SHISAL1: variants seen among roughly 807,000 people sequenced by gnomAD.
SHISAL1 encodes shisa like 1, also known as protein shisa-like-1.
In SHISAL1, 9 loss-of-function variants were observed where a neutral mutation model predicts 22.6. That is an observed-to-expected ratio of 0.40 (90% confidence interval 0.24 to 0.70). The LOEUF is 0.70. Ranked by LOEUF, SHISAL1 falls within the 30% of genes least tolerant of loss-of-function variation. SHISAL1 has a pLI of 0.39. For synonymous variants in SHISAL1, 119 were observed against 115.4 expected (o/e 1.03, Z -0.20); for missense variants, 246 against 270.6 (o/e 0.91, Z 0.64).
intron 3 of SHISAL1, among the ~76,000 whole-genome samples, chr22:44,294,189 T>G (rs1033573469): frequency 1.3e-5 from 2 of 152,218 alleles, no homozygotes; most frequent in Non-Finnish European, 2.9e-5. Context: ...ATTGCAGCCC[T>G]GATATGATGG....
At chr22:44,268,024 G>A (rs2055176922) in intron 4 of SHISAL1, among the ~76,000 whole-genome samples, 2 of 152,236 alleles carry the variant, frequency 1.3e-5, no homozygotes, top group African/African-American at 2.4e-5. Context: ...AGGGAGCTGT[G>A]TTGGGGGACC....
At chr22:44,290,529 CAAA>C (rs546640216) in intron 3 of SHISAL1, among the ~76,000 whole-genome samples, 1 of 84,286 alleles carries the variant, frequency 1.2e-5, no homozygotes, top group Admixed American at 1.2e-4. Context: ...AACTCAGTCT[CAAA>C]AAAAAAAAAA....
At chr22:44,329,463 A>ACACG in the SHISAL1 span, among the ~76,000 whole-genome samples, 2 of 151,558 alleles carry the variant, frequency 1.3e-5, no homozygotes, top group African/African-American at 2.4e-5. Flanking sequence ...ACACACACAC[A>ACACG]CGCGCGGCTC....
chr22:44,262,698 G>T (rs2055133316), intron 4 of SHISAL1, among the ~76,000 whole-genome samples: 1 of 152,356 alleles, frequency 6.6e-6, no homozygotes, highest in Non-Finnish European at 1.5e-5. Context: ...GCAGGCTGGG[G>T]AGTAGCAGGC....
chr22:44,323,203 CATCT>C, the SHISAL1 span, among the ~76,000 whole-genome samples: 11 of 149,344 alleles, frequency 7.4e-5, no homozygotes, highest in South Asian at 4.4e-4. Context: ...ATCCACCATC[CATCT>C]GTCCACCCAT....
intron 4 of SHISAL1, among the ~76,000 whole-genome samples, chr22:44,254,454 G>C (rs1479561347): frequency 6.6e-6 from 1 of 151,986 alleles, no homozygotes; most frequent in African/African-American, 2.4e-5. Context: ...TCAAACTCCT[G>C]GGCTAAAGTG....
At chr22:44,282,279 A>T (rs574970363) in intron 4 of SHISAL1, among the ~76,000 whole-genome samples, 1 of 152,356 alleles carries the variant, frequency 6.6e-6, no homozygotes, top group South Asian at 2.1e-4. Flanking sequence ...CCGCTGCAGC[A>T]GCCAGGGTGG....
At chr22:44,316,579 G>A (rs1325158154), upstream of SHISAL1, among the ~76,000 whole-genome samples, 3 of 152,152 alleles carry the variant, frequency 2.0e-5, no homozygotes, top group Non-Finnish European at 4.4e-5. Context: ...GTGATGGTGT[G>A]TTCCAATAAA....
chr22:44,296,657 C>T lies in SHISAL1; in HGVS notation c.281+15G>A, dbSNP rs2055388351. ...GCCCGAGGCAGTGGGGTTGCACCCC[C>T]AGAGTGGCACTCACTTGTGCATGTA... On this transcript the variant is annotated intron_variant, in intron 3 of 4. Transcript: ENST00000381176. 1 of 1,611,804 alleles carries T rather than the reference C, an allele frequency of 6.2e-7. No homozygotes were observed. Among genetic ancestry groups the T allele is most frequent in the Non-Finnish European group, 8.5e-7 (1 of 1,179,032 alleles).
chr22:44,273,421 G>A (rs1301826790), intron 4 of SHISAL1, among the ~76,000 whole-genome samples: 1 of 152,200 alleles, frequency 6.6e-6, no homozygotes, highest in African/African-American at 2.4e-5. Flanking sequence ...GGTAAATGTA[G>A]CAAAAGAACT....
At chr22:44,266,197 C>T (rs1261365133) in intron 4 of SHISAL1, among the ~76,000 whole-genome samples, 1 of 152,168 alleles carries the variant, frequency 6.6e-6, no homozygotes, top group Non-Finnish European at 1.5e-5. Flanking sequence ...TGAGACAGTA[C>T]ATGTAACAAC....
chr22:44,283,722 T>C (rs993956267), intron 4 of SHISAL1, among the ~76,000 whole-genome samples: 1 of 152,182 alleles, frequency 6.6e-6, no homozygotes, highest in Non-Finnish European at 1.5e-5. Context: ...AGGACCACCG[T>C]TTTAAACGGA....
At chr22:44,289,579 C>T (rs1401743458) in intron 3 of SHISAL1, among the ~76,000 whole-genome samples, 1 of 152,190 alleles carries the variant, frequency 6.6e-6, no homozygotes, top group Admixed American at 6.5e-5. Flanking sequence ...CTCATCCTCC[C>T]TGTCAGGGAA....
chr22:44,300,200 C>G (rs2055418482), intron 2 of SHISAL1, among the ~76,000 whole-genome samples: 1 of 151,398 alleles, frequency 6.6e-6, no homozygotes, highest in South Asian at 2.1e-4. Flanking sequence ...CACAGACACA[C>G]AGAGAGAGAC....
intron 4 of SHISAL1, among the ~76,000 whole-genome samples, chr22:44,275,898 G>A (rs1299221644): frequency 6.6e-6 from 1 of 152,192 alleles, no homozygotes; most frequent in Non-Finnish European, 1.5e-5. Flanking sequence ...CACTGTCTAG[G>A]TGCCTTCTGT....
chr22:44,249,715 A>G (rs2055033737), intron 4 of SHISAL1, 30 bp from the exon 5 acceptor site: 1 of 778,438 alleles, frequency 1.3e-6, no homozygotes, highest in Non-Finnish European at 2.4e-6. Flanking sequence ...AAAAAGTATC[A>G]CATGGTGTCT....
chr22:44,273,291 G>C (rs182702292), intron 4 of SHISAL1, among the ~76,000 whole-genome samples: 2 of 152,140 alleles, frequency 1.3e-5, no homozygotes, highest in Non-Finnish European at 2.9e-5. Context: ...TCAATTTCCC[G>C]AGCGTAAATA....
In SHISAL1 at chr22:44,296,962, C is replaced by T. The variant is rs1220042389; in HGVS notation, c.68-77G>A. 4 of 1,163,646 alleles carry T rather than the reference C, an allele frequency of 3.4e-6. No individual in the cohort carries two copies. The Admixed American group carries it at 5.3e-5, about 15-fold the overall frequency. The allele number at this position is 1,163,646 out of a possible 1,614,324, so 72.1% of individuals were successfully genotyped here. A position where few individuals can be genotyped will look rare whatever the true frequency, so the allele number is the denominator to read the frequency against. On this transcript the variant is annotated intron_variant, in intron 2 of 4. Transcript: ENST00000381176. ...GCCAAGAGGCAGGGGGACTGGCCGG[C>T]CTCTTCTCAGGTCCTGCCTGCTTCT...
At chr22:44,289,737 T>C (rs903453473) in intron 3 of SHISAL1, among the ~76,000 whole-genome samples, 1 of 152,244 alleles carries the variant, frequency 6.6e-6, no homozygotes, top group African/African-American at 2.4e-5. Flanking sequence ...TGGCCCTCCC[T>C]GTGGTCAGCC....
Sources: gnomAD v4.1 joint callset for allele counts (sites outside exome capture counted in the v4.1 genomes callset) on GRCh38, gnomAD v4.1.1 for gene constraint, MANE v1.5 for transcripts, NCBI Gene and HGNC (gene_info 2026-07-23, HGNC 2026-07-21) for gene names.